B4GALT5: variants seen among roughly 807,000 people sequenced by gnomAD.
The protein encoded by B4GALT5 is UDP-Gal:beta-GlcNAc beta-1,4-galactosyltransferase 5.
Under a neutral mutation model 45.0 loss-of-function variants are expected in B4GALT5, and 11 were observed. The ratio of observed to expected loss-of-function variants is 0.24; its 90% CI spans 0.15 to 0.40. B4GALT5 has a LOEUF of 0.40. Ranked by LOEUF, B4GALT5 falls within the 10% of genes least tolerant of loss-of-function variation. The pLI is 1.00. For missense variants in B4GALT5, 337 were observed against 500.2 expected (o/e 0.67, Z 3.11); for synonymous variants, 185 against 182.9 (o/e 1.01, Z -0.09).
chr20:49,641,867 C>T (rs914155241), intron 5 of B4GALT5, among the ~76,000 whole-genome samples: 1 of 152,008 alleles, frequency 6.6e-6, no homozygotes, highest in African/African-American at 2.4e-5. Flanking sequence ...ATAAAGTAGG[C>T]CCGGCAAGAG....
chr20:49,642,517 G>A lies in B4GALT5; in HGVS notation c.557C>T (p.Pro186Leu). The A allele has an allele frequency of 6.2e-7, 1 of 1,614,196 alleles. No individual in the cohort carries two copies. The highest frequency in any genetic ancestry group is 8.5e-7 in the Non-Finnish European group (1 of 1,180,006). ...CTGCAAGCGCTGGCGCTGGAGCATGGGAAGCAGGTGTCTGAACAGGACTGG... is the reference window on the plus strand; with the variant it reads ...CTGCAAGCGCTGGCGCTGGAGCATGAGAAGCAGGTGTCTGAACAGGACTGG... ...HLPVLFRHLL[P>L]MLQRQRLQFA... The change falls in exon 5 of 9, where the codon CCC becomes CTC. Residue 186 changes from proline to leucine, a missense_variant. Around this residue, in one of 2 missense-constraint regions of B4GALT5, gnomAD observed 163 missense variants for 292.8 expected, o/e 0.56. Transcript: ENST00000371711.
chr20:49,648,592 T>C (rs74869278), intron 2 of B4GALT5, among the ~76,000 whole-genome samples: 98 of 152,362 alleles, frequency 6.4e-4, no homozygotes, highest in African/African-American at 2.3e-3. Context: ...GTGGTTCTTC[T>C]GCTTTCTACC....
chr20:49,682,607 T>TCA (rs1226568282), intron 1 of B4GALT5, among the ~76,000 whole-genome samples: 1 of 152,072 alleles, frequency 6.6e-6, no homozygotes, highest in African/African-American at 2.4e-5. Flanking sequence ...AGACCTTCCC[T>TCA]CATCACAATA....
chr20:49,639,212 T>C (rs778868794), intron 7 of B4GALT5, among the ~76,000 whole-genome samples: 27 of 152,268 alleles, frequency 1.8e-4, no homozygotes, highest in Non-Finnish European at 2.5e-4. Flanking sequence ...GAAGAAAAAA[T>C]TGCTAAATTA....
At chr20:49,679,509 A>T (rs2085755364) in intron 1 of B4GALT5, among the ~76,000 whole-genome samples, 1 of 151,686 alleles carries the variant, frequency 6.6e-6, no homozygotes, top group South Asian at 2.1e-4. Context: ...TCTACTAAAA[A>T]AAAAAAAATA....
chr20:49,700,995 CAATT>C (rs969024479), intron 1 of B4GALT5, among the ~76,000 whole-genome samples: 3 of 152,094 alleles, frequency 2.0e-5, no homozygotes, highest in African/African-American at 7.2e-5. Flanking sequence ...AATTGGCCCT[CAATT>C]AAACACATCT....
rs2085932193 is a variant in B4GALT5, at chr20:49,713,721, G to A, written c.-31C>T. 9.9e-7 allele frequency: 1 copy of A among 1,010,142 alleles called. No homozygotes were observed. 62.6% of individuals were successfully genotyped at this position (1,010,142 alleles called of 1,614,324 possible). ...AGCCAGGCGGCCGCTAGAGAGCCAGGCCGGGCCTGCTCCCGCAGCTCCCCG... is the reference window on the plus strand; with the variant it reads ...AGCCAGGCGGCCGCTAGAGAGCCAGACCGGGCCTGCTCCCGCAGCTCCCCG... On this transcript the variant is annotated 5_prime_UTR_variant, in exon 1 of 9. Transcript: ENST00000371711.
intron 1 of B4GALT5, among the ~76,000 whole-genome samples, chr20:49,676,039 C>T (rs1294198873): frequency 6.6e-6 from 1 of 151,350 alleles, no homozygotes; most frequent in Non-Finnish European, 1.5e-5. Flanking sequence ...CTCCCCCAAC[C>T]CAACCCCCCC....
At position 49,676,205 on chromosome 20, in the gene B4GALT5, GT is replaced by G. The variant is rs1269472333; in HGVS notation, c.116-19504del. On this transcript the variant is annotated intron_variant, in intron 1 of 8. Coordinates refer to ENST00000371711, the MANE Select transcript of B4GALT5 (RefSeq NM_004776.4). ...ATATATATGTAGAGAGAGAGAGTGT[GT>G]GTGTGTGTGTTACAGGAAAGCTATT... Among the ~76,000 whole-genome samples the G allele has an allele frequency of 3.3e-5, 5 of 151,968 alleles. No homozygotes were observed. The East Asian group carries it at 7.7e-4, about 23-fold the overall frequency.
At chr20:49,677,191 C>T (rs1485001679) in intron 1 of B4GALT5, among the ~76,000 whole-genome samples, 1 of 152,030 alleles carries the variant, frequency 6.6e-6, no homozygotes, top group East Asian at 1.9e-4. Context: ...TTGTCAATAA[C>T]CACACCCGCT....
intron 1 of B4GALT5, among the ~76,000 whole-genome samples, chr20:49,696,470 C>T (rs1247115846): frequency 6.6e-6 from 1 of 152,126 alleles, no homozygotes; most frequent in Non-Finnish European, 1.5e-5. Context: ...GTTTTCTTTA[C>T]AGCTTTCAAG....
At chr20:49,671,358 G>C (rs933819679) in intron 1 of B4GALT5, among the ~76,000 whole-genome samples, 2 of 152,184 alleles carry the variant, frequency 1.3e-5, no homozygotes, top group Non-Finnish European at 2.9e-5. Flanking sequence ...CTGAGTGACA[G>C]AGTGAGACTC....
intron 1 of B4GALT5, among the ~76,000 whole-genome samples, chr20:49,710,837 G>A (rs543838247): frequency 4.9e-4 from 75 of 151,952 alleles, no homozygotes; most frequent in African/African-American, 1.7e-3. Flanking sequence ...AAAATTTGCC[G>A]CCCCACTGTC....
Position 49,656,684 on chromosome 20 carries a change from A to T in B4GALT5, c.134T>A (p.Met45Lys). Reference sequence around the variant, plus strand: ...GATCAGAATGCCTTGGGCTTGCATCATGAAGAGGTAGGTGTTCACTGCAGA... The same window carrying T: ...GATCAGAATGCCTTGGGCTTGCATCTTGAAGAGGTAGGTGTTCACTGCAGA... ...APGIVNTYLFMMQAQGILIRD... is the reference protein window; with the variant it reads ...APGIVNTYLFKMQAQGILIRD... The change falls in exon 2 of 9, where the codon ATG becomes AAG. Residue 45 changes from methionine (M) to lysine (K), a missense_variant. Met to Lys is a moderately conservative substitution (Grantham distance 95). This residue lies in a region of B4GALT5 where 174 missense variants were observed against 207.4 expected (regional missense o/e 0.84). Transcript: ENST00000371711. 1 of 1,614,164 alleles carries T rather than the reference A, an allele frequency of 6.2e-7. No individual in the cohort carries two copies. Among genetic ancestry groups the T allele is most frequent in the Non-Finnish European group, 8.5e-7 (1 of 1,180,004 alleles).
At chr20:49,683,044 T>C (rs1822447015) in intron 1 of B4GALT5, among the ~76,000 whole-genome samples, 1 of 151,618 alleles carries the variant, frequency 6.6e-6, no homozygotes, top group African/African-American at 2.4e-5. Flanking sequence ...CAGTGAACTG[T>C]GATTGCACCA....
intron 2 of B4GALT5, among the ~76,000 whole-genome samples, chr20:49,652,134 A>G (rs1356793199): frequency 2.0e-5 from 3 of 152,180 alleles, no homozygotes; most frequent in Non-Finnish European, 4.4e-5. Context: ...GGCCAATTAA[A>G]TAAGAATCGC....
chr20:49,691,457 G>C (rs1261757908), intron 1 of B4GALT5, among the ~76,000 whole-genome samples: 1 of 152,106 alleles, frequency 6.6e-6, no homozygotes, highest in Non-Finnish European at 1.5e-5. Flanking sequence ...GGAGGTTCAA[G>C]GCTGCAGTGA....
At chr20:49,648,667 C>T (rs564261294) in intron 2 of B4GALT5, among the ~76,000 whole-genome samples, 1 of 152,310 alleles carries the variant, frequency 6.6e-6, no homozygotes, top group South Asian at 2.1e-4. Flanking sequence ...AATTTAAAAA[C>T]CCTCACATAT....
intron 1 of B4GALT5, among the ~76,000 whole-genome samples, chr20:49,663,410 AAAGGGAAATTG>A (rs1459154660): frequency 1.3e-5 from 2 of 150,896 alleles, no homozygotes; most frequent in African/African-American, 2.4e-5. Flanking sequence ...GCTACTTAAT[AAAGGGAAATTG>A]ATATGCACTC....
Sources: gnomAD v4.1 joint callset for allele counts (sites outside exome capture counted in the v4.1 genomes callset) on GRCh38, gnomAD v4.1.1 for gene constraint, gnomAD v4.1.1 regional missense constraint, MANE v1.5 for transcripts, NCBI Gene and HGNC (gene_info 2026-07-23, HGNC 2026-07-21) for gene names.